NLGN4X: variants seen among roughly 807,000 people sequenced by gnomAD.
NLGN4X encodes neuroligin-4, X-linked.
Under a neutral mutation model 40.3 loss-of-function variants are expected in NLGN4X, and 3 were observed. The ratio of observed to expected loss-of-function variants is 0.07; its 90% CI spans 0.03 to 0.19. The LOEUF is 0.19. NLGN4X is among the 10% of genes least tolerant of loss of function. NLGN4X has a pLI of 1.00. For synonymous variants in NLGN4X, 270 were observed against 306.8 expected (o/e 0.88, Z 1.25); for missense variants, 382 against 708.3 (o/e 0.54, Z 5.23).
At chrX:6,172,503 ATTAT>A (rs1233080104) in intron 1 of NLGN4X, among the ~76,000 whole-genome samples, 2 of 111,572 alleles carry the variant, frequency 1.8e-5, no homozygotes, top group Non-Finnish European at 3.8e-5. Flanking sequence ...CTCCAATCTG[ATTAT>A]TTAATTTGCC....
At chrX:5,991,650 G>A (rs957535362) in intron 3 of NLGN4X, 3 of 387,316 alleles carry the variant, frequency 7.7e-6, no homozygotes, top group Non-Finnish European at 1.4e-5. Context: ...ATCCATCAGT[G>A]CTAATAACAG....
At chrX:5,984,990 TAAGC>T (rs1478232760) in intron 3 of NLGN4X, among the ~76,000 whole-genome samples, 1 of 111,900 alleles carries the variant, frequency 8.9e-6, no homozygotes. Context: ...AATAATAAGA[TAAGC>T]AATCATATCT....
chrX:6,216,252 G>GT (rs1925080388), intron 1 of NLGN4X, among the ~76,000 whole-genome samples: 1 of 112,028 alleles, frequency 8.9e-6, no homozygotes, highest in Non-Finnish European at 1.9e-5. Flanking sequence ...GGGAGAGGAA[G>GT]TAAGGAGGAA....
intron 3 of NLGN4X, among the ~76,000 whole-genome samples, chrX:6,001,755 A>G (rs2035976636): frequency 2.7e-5 from 3 of 110,075 alleles, no homozygotes; most frequent in Non-Finnish European, 1.9e-5. Context: ...AGCTCTTGGG[A>G]AGGTAAATAA....
At chrX:5,931,270 C>T (rs182791474) in intron 3 of NLGN4X, among the ~76,000 whole-genome samples, 140 of 111,863 alleles carry the variant, frequency 1.3e-3, no homozygotes, top group African/African-American at 4.0e-3. Flanking sequence ...AATATTTTGG[C>T]GTCTATAGTC....
chrX:6,171,187 C>G (rs2147774356), intron 1 of NLGN4X, among the ~76,000 whole-genome samples: 1 of 112,077 alleles, frequency 8.9e-6, no homozygotes, highest in Admixed American at 9.5e-5. Context: ...GCATTCTACT[C>G]TAATTAAATC....
intron 2 of NLGN4X, among the ~76,000 whole-genome samples, chrX:6,071,378 C>T (rs374295617): frequency 4.5e-5 from 5 of 111,023 alleles, no homozygotes; most frequent in Non-Finnish European, 9.4e-5. Flanking sequence ...GAGAGTAATA[C>T]GCCCATTTTA....
At chrX:5,957,327 C>T (rs2034525448) in intron 3 of NLGN4X, among the ~76,000 whole-genome samples, 1 of 111,585 alleles carries the variant, frequency 9.0e-6, no homozygotes, top group Admixed American at 9.6e-5. Context: ...ACTTTAGCAT[C>T]TGAGTTCCAG....
chrX:5,991,583 G>A (rs2035686988), intron 3 of NLGN4X: 4 of 482,038 alleles, frequency 8.3e-6, no homozygotes, highest in African/African-American at 2.4e-5. Context: ...GAAAATCCAC[G>A]AGGAAATAAG....
At chrX:6,067,505 C>T (rs1367513118) in intron 2 of NLGN4X, among the ~76,000 whole-genome samples, 1 of 111,342 alleles carries the variant, frequency 9.0e-6, no homozygotes, top group African/African-American at 3.3e-5. Context: ...ACTCCAATAT[C>T]GTAGTTGGGC....
chrX:6,152,720 C>T lies in NLGN4X; in HGVS notation c.-305-949G>A, dbSNP rs745675394. On this transcript the variant is annotated intron_variant, in intron 1 of 5. Transcript: ENST00000381095. ...TTGTAAAACACTATACAAGATGGTG[C>T]ATTTCAAGTACATGCTGTAGTGCTA... is the stretch of plus-strand genomic sequence containing the variant. Among the ~76,000 whole-genome samples, 3 of 112,487 alleles carry T rather than the reference C, an allele frequency of 2.7e-5. No individual in the cohort carries two copies. In the South Asian group the frequency reaches 1.1e-3, roughly 41 times the overall value.
At chrX:6,101,410 G>A (rs748597061) in intron 2 of NLGN4X, among the ~76,000 whole-genome samples, 1 of 112,111 alleles carries the variant, frequency 8.9e-6, no homozygotes, top group Non-Finnish European at 1.9e-5. Context: ...AGATTTGGAA[G>A]CAAACTAACT....
intron 3 of NLGN4X, among the ~76,000 whole-genome samples, chrX:5,950,048 C>T (rs755374648): frequency 8.9e-6 from 1 of 111,844 alleles, no homozygotes; most frequent in Non-Finnish European, 1.9e-5. Context: ...GTAGGAATGA[C>T]CTACTATAAT....
intron 2 of NLGN4X, among the ~76,000 whole-genome samples, chrX:6,144,646 GTCCAGGTA>G (rs2040011967): frequency 9.0e-6 from 1 of 111,155 alleles, no homozygotes; most frequent in Non-Finnish European, 1.9e-5. Flanking sequence ...AGCCAGCAAT[GTCCAGGTA>G]TCTCTTTCTC....
At chrX:5,899,703 TTTA>T (rs1172531985) in intron 5 of NLGN4X, among the ~76,000 whole-genome samples, 14 of 107,527 alleles carry the variant, frequency 1.3e-4, no homozygotes, top group African/African-American at 4.7e-4. Flanking sequence ...TTTTTTTTTT[TTTA>T]TTTTTTTTTA....
intron 3 of NLGN4X, among the ~76,000 whole-genome samples, chrX:5,986,641 A>G (rs2035537155): frequency 8.9e-6 from 1 of 111,894 alleles, no homozygotes; most frequent in Admixed American, 9.6e-5. Context: ...GATATTTGCA[A>G]CATATATAAT....
In NLGN4X at chrX:6,131,740, T is replaced by C. The variant is rs778532596; in HGVS notation, c.472+19255A>G. ...GTCAAGAACTGTGCATTGTAGGACT[T>C]GTCCCTTTTCACTGTCCCATTGGTG... On this transcript the variant is annotated intron_variant, in intron 2 of 5. Coordinates refer to ENST00000381095, the MANE Select transcript of NLGN4X (RefSeq NM_181332.3). 8.9e-5 allele frequency among the ~76,000 whole-genome samples: 10 copies of C among 112,438 alleles called. No individual in the cohort carries two copies. In the East Asian group the frequency reaches 2.8e-3, roughly 32 times the overall value.
intron 1 of NLGN4X, among the ~76,000 whole-genome samples, chrX:6,225,116 T>C (rs1292151745): frequency 2.0e-5 from 2 of 101,838 alleles, no homozygotes; most frequent in Non-Finnish European, 4.0e-5. Context: ...AATAAAATAC[T>C]GAATTTCTAA....
chrX:6,192,351 C>T (rs1414686414), intron 1 of NLGN4X, among the ~76,000 whole-genome samples: 1 of 111,297 alleles, frequency 9.0e-6, no homozygotes, highest in African/African-American at 3.3e-5. Context: ...TGGTCTCGAA[C>T]TCCTGAACCC....
Sources: allele counts gnomAD v4.1 joint callset (sites outside exome capture counted in the v4.1 genomes callset), GRCh38; gene constraint gnomAD v4.1.1; transcripts MANE v1.5; gene names NCBI Gene and HGNC (gene_info 2026-07-23, HGNC 2026-07-21).